Variants in ITGA6 observed in about 807,000 individuals in gnomAD.
ITGA6 encodes integrin subunit alpha 6, also known as integrin alpha-6.
Under a neutral mutation model 133.6 loss-of-function variants are expected in ITGA6, and 63 were observed. That is an observed-to-expected ratio of 0.47 (90% confidence interval 0.38 to 0.58). The LOEUF (loss-of-function observed/expected upper bound fraction) is 0.58, where lower values mean the gene tolerates loss of function less well. Among genes scored for constraint, ITGA6 ranks in the 20% least tolerant of loss-of-function variants. The pLI, the probability that ITGA6 is intolerant of heterozygous loss-of-function variation, is 0.00. For synonymous variants in ITGA6, 434 were observed against 482.0 expected (o/e 0.90, Z 1.30); for missense variants, 1,068 against 1,309.4 (o/e 0.82, Z 2.85).
intron 1 of ITGA6, among the ~76,000 whole-genome samples, chr2:172,446,525 G>A (rs1336884062): frequency 6.6e-6 from 1 of 152,198 alleles, no homozygotes; most frequent in Non-Finnish European, 1.5e-5. Flanking sequence ...CATCTACTAT[G>A]TGCCGAGCAC....
At chr2:172,455,804 GT>G (rs1303271038) in intron 1 of ITGA6, among the ~76,000 whole-genome samples, 1 of 152,044 alleles carries the variant, frequency 6.6e-6, no homozygotes, top group African/African-American at 2.4e-5. Context: ...AAGGAAAATA[GT>G]TTTTTTTATA....
intron 11 of ITGA6, 37 bp from the exon 12 acceptor site, chr2:172,484,744 GA>G: frequency 3.2e-6 from 5 of 1,553,796 alleles, no homozygotes; most frequent in Non-Finnish European, 4.4e-6. Flanking sequence ...GATTGTGCAT[GA>G]ATGCACTTAC....
At chr2:172,462,392 C>T (rs546176910) in intron 1 of ITGA6, among the ~76,000 whole-genome samples, 1 of 152,324 alleles carries the variant, frequency 6.6e-6, no homozygotes, top group Admixed American at 6.5e-5. Context: ...CAACAGCTAA[C>T]GTTATTCTCT....
intron 1 of ITGA6, chr2:172,465,324 A>G (rs760429701): frequency 4.1e-4 from 255 of 618,134 alleles, no homozygotes; most frequent in Non-Finnish European, 6.7e-4. Context: ...TCGTTTTGGT[A>G]TCCCCTCTTT....
intron 1 of ITGA6, among the ~76,000 whole-genome samples, chr2:172,452,088 T>C (rs570566993): frequency 1.6e-4 from 25 of 152,212 alleles, no homozygotes; most frequent in African/African-American, 5.3e-4. Context: ...TAATGAAATA[T>C]GGTTTTGGAA....
intron 20 of ITGA6, among the ~76,000 whole-genome samples, chr2:172,490,346 T>C (rs1283787037): frequency 6.6e-6 from 1 of 152,206 alleles, no homozygotes; most frequent in Non-Finnish European, 1.5e-5. Context: ...TACTGCTCCA[T>C]GCTTAGATAA....
intron 11 of ITGA6, among the ~76,000 whole-genome samples, chr2:172,482,093 T>A (rs1686468329): frequency 6.6e-6 from 1 of 152,226 alleles, no homozygotes; most frequent in African/African-American, 2.4e-5. Flanking sequence ...ATCAGAGCAC[T>A]CCTTGACTTC....
Position 172,494,182 on chromosome 2 carries a change from CA to C in ITGA6, c.2988+2666del, listed in dbSNP as rs548705571. On this transcript the variant is annotated intron_variant, in intron 23 of 25. Transcript: ENST00000684293. ...CTAAGCTTAATTTGGCTTAAAAAAG[CA>C]AAAAAACTTTTTTGTTTCTTTATAA... Among the ~76,000 whole-genome samples the C allele has an allele frequency of 1.3e-3, 193 of 152,106 alleles. 1 individual carries two copies. The highest frequency in any genetic ancestry group is 2.2e-3 in the Non-Finnish European group (152 of 67,970).
intron 1 of ITGA6, among the ~76,000 whole-genome samples, chr2:172,464,891 C>T (rs1318804146): frequency 6.6e-6 from 1 of 151,818 alleles, no homozygotes; most frequent in Admixed American, 6.6e-5. Flanking sequence ...AACTTGTACA[C>T]CTCAAATATA....
chr2:172,480,079 T>C (rs1225335723), intron 11 of ITGA6, 28 bp downstream of exon 11: 19 of 1,311,648 alleles, frequency 1.4e-5, no homozygotes, highest in Non-Finnish European at 2.1e-5. Flanking sequence ...TTAAAATATG[T>C]CTACTTTCTG....
intron 1 of ITGA6, among the ~76,000 whole-genome samples, chr2:172,436,386 A>G (rs529265389): frequency 4.5e-4 from 68 of 152,284 alleles, no homozygotes; most frequent in Non-Finnish European, 8.1e-4. Context: ...GGCTTGCCCT[A>G]TATTTAGAAA....
intron 7 of ITGA6, among the ~76,000 whole-genome samples, chr2:172,475,332 G>C (rs1446120290): frequency 2.6e-5 from 4 of 152,158 alleles, no homozygotes; most frequent in African/African-American, 9.7e-5. Flanking sequence ...GCACATGCCT[G>C]TAATACCAGC....
At chr2:172,434,037 C>T (rs1684216253) in intron 1 of ITGA6, among the ~76,000 whole-genome samples, 1 of 152,166 alleles carries the variant, frequency 6.6e-6, no homozygotes, top group Non-Finnish European at 1.5e-5. Context: ...CACCCCCACA[C>T]CTCCATCCCT....
chr2:172,480,396 T>TG (rs1274302217), intron 11 of ITGA6, among the ~76,000 whole-genome samples: 1 of 152,032 alleles, frequency 6.6e-6, no homozygotes, highest in Non-Finnish European at 1.5e-5. Flanking sequence ...GGGTGGTGGC[T>TG]GGTGGTTGTG....
chr2:172,447,578 T>C (rs553164636), intron 1 of ITGA6, among the ~76,000 whole-genome samples: 2 of 152,364 alleles, frequency 1.3e-5, no homozygotes, highest in East Asian at 3.9e-4. Context: ...GTGGAATTCT[T>C]GATCATTTTA....
chr2:172,469,315 CA>C lies in ITGA6; in HGVS notation c.579del (p.Ala194LeufsTer26). ...EKFGSCQQGV[A>X]ATFTKDFHYI... ...TTTGGCTCTTGCCAGCAAGGTGTAG[CA>C]GCTACTTTTACTAAAGACTTTCATT... is the stretch of plus-strand genomic sequence containing the variant. On this transcript the variant is annotated frameshift_variant, in exon 4 of 26. Transcript: ENST00000684293. LOFTEE classifies it high-confidence loss of function. 1 of 1,614,066 alleles carries C rather than the reference CA, an allele frequency of 6.2e-7. No individual in the cohort carries two copies. The highest frequency in any genetic ancestry group is 8.5e-7 in the Non-Finnish European group (1 of 1,179,938).
rs180984282 is a variant in ITGA6, at chr2:172,474,024, G to T, written c.776-31G>T. ...ATAGGCCTAAAATATATGGATTGAT[G>T]TGAGGGGCTCTATATATTTTGTTTT... On this transcript the variant is annotated intron_variant, in intron 5 of 25. Coordinates refer to ENST00000684293, the MANE Select transcript of ITGA6 (RefSeq NM_000210.4). 3.0e-4 allele frequency: 447 copies of T among 1,478,920 alleles called. 5 individuals are homozygous for T. The South Asian group carries it at 4.9e-3, about 16-fold the overall frequency. 91.6% of individuals were successfully genotyped at this position (1,478,920 alleles called of 1,614,324 possible). A position where few individuals can be genotyped will look rare whatever the true frequency, so the allele number is the denominator to read the frequency against.
At chr2:172,489,792 T>G in intron 20 of ITGA6, 134 bp downstream of exon 20, 1 of 857,596 alleles carries the variant, frequency 1.2e-6, no homozygotes, top group Admixed American at 2.2e-5. Context: ...TGTCACAATT[T>G]CTCTTTTCTA....
At chr2:172,434,695 T>C (rs537620739) in intron 1 of ITGA6, among the ~76,000 whole-genome samples, 68 of 152,248 alleles carry the variant, frequency 4.5e-4, no homozygotes, top group African/African-American at 1.5e-3. Context: ...ACTCATGACA[T>C]GGAGCCGTGG....
Sources: gnomAD v4.1 joint callset for allele counts (sites outside exome capture counted in the v4.1 genomes callset) on GRCh38, gnomAD v4.1.1 for gene constraint, MANE v1.5 for transcripts, NCBI Gene and HGNC (gene_info 2026-07-23, HGNC 2026-07-21) for gene names.